Variants in ARL17A observed in about 807,000 individuals in gnomAD.
The protein encoded by ARL17A is ARF like GTPase 17A.
chr17:46,525,618 ATCATC>A (rs1567942048), downstream of ARL17A, among the ~76,000 whole-genome samples: 41 of 98,622 alleles, frequency 4.2e-4, 1 homozygote, highest in African/African-American at 6.8e-4. Flanking sequence ...AATAATAATC[ATCATC>A]ATCATCATCA....
chr17:46,535,095 T>A (rs1405274702), intron 4 of ARL17A, among the ~76,000 whole-genome samples: 1 of 148,320 alleles, frequency 6.7e-6, no homozygotes, highest in Non-Finnish European at 1.5e-5. Context: ...GGTTTTACTC[T>A]ATTGCCAGTG....
At chr17:46,503,206 C>G in the ARL17A span, among the ~76,000 whole-genome samples, 1 of 108,084 alleles carries the variant, frequency 9.3e-6, no homozygotes, top group African/African-American at 3.4e-5. Context: ...AGGGAGACTC[C>G]GTCTCAAAAA....
chr17:46,534,179 T>G (rs1319349107), intron 4 of ARL17A, among the ~76,000 whole-genome samples: 2 of 148,390 alleles, frequency 1.3e-5, no homozygotes, highest in Non-Finnish European at 3.0e-5. Context: ...ATGCCCAGTT[T>G]TTTTTGTTTT....
intron 3 of ARL17A, among the ~76,000 whole-genome samples, chr17:46,568,495 T>TAA (rs1160243125): frequency 1.9e-5 from 2 of 103,450 alleles, no homozygotes; most frequent in Admixed American, 9.8e-5. Context: ...AATAAGCAGT[T>TAA]AAAAAAAAAA....
At chr17:46,534,835 C>A (rs1330516480) in intron 4 of ARL17A, among the ~76,000 whole-genome samples, 3 of 149,076 alleles carry the variant, frequency 2.0e-5, no homozygotes, top group Non-Finnish European at 2.9e-5. Flanking sequence ...CTGGCCCCCA[C>A]CTCCCTCCCA....
downstream of ARL17A, chr17:46,548,706 G>C (rs746784908): frequency 6.2e-7 from 1 of 1,609,262 alleles, no homozygotes; most frequent in African/African-American, 1.4e-5. Flanking sequence ...GCATCAGGAG[G>C]GAACAGGGTG....
chr17:46,543,638 T>G (rs984323678), intron 3 of ARL17A, among the ~76,000 whole-genome samples: 8 of 150,846 alleles, frequency 5.3e-5, no homozygotes, highest in African/African-American at 2.0e-4. Context: ...CAACTGACTC[T>G]CAAATGGTTT....
chr17:46,552,818 G>A lies in ARL17A; in HGVS notation c.*4538C>T, dbSNP rs1171049870. The stretch of plus-strand genomic sequence containing the variant: ...CTTAAATTACATGGGGCCAGGCATG[G>A]TGGCTCACACTTGTAATCCCAACAC... On this transcript the variant is annotated 3_prime_UTR_variant, in exon 4 of 4. Transcript: ENST00000336125. 1.4e-5 allele frequency: 2 copies of A among 138,540 alleles called. No individual in the cohort carries two copies. The highest frequency in any genetic ancestry group is 2.2e-4 in the East Asian group (1 of 4,644). 8.6% of individuals were successfully genotyped at this position (138,540 alleles called of 1,614,324 possible).
chr17:46,503,234 C>T, the ARL17A span, among the ~76,000 whole-genome samples: 3 of 134,296 alleles, frequency 2.2e-5, no homozygotes, highest in African/African-American at 8.6e-5. Flanking sequence ...AAATAGTCTT[C>T]ATTTCTCCTT....
intron 3 of ARL17A, among the ~76,000 whole-genome samples, chr17:46,543,459 C>G (rs889049991): frequency 6.6e-6 from 1 of 150,894 alleles, no homozygotes; most frequent in Non-Finnish European, 1.5e-5. Context: ...ATTTTTTAAG[C>G]CATGTTATGA....
At chr17:46,558,121 A>G (rs1188946352) in intron 3 of ARL17A, among the ~76,000 whole-genome samples, 1 of 129,030 alleles carries the variant, frequency 7.8e-6, no homozygotes, top group Non-Finnish European at 1.6e-5. Context: ...ATGCAATGGC[A>G]CGATCTCAGC....
the ARL17A span, among the ~76,000 whole-genome samples, chr17:46,503,436 T>C: frequency 7.0e-6 from 1 of 143,842 alleles, no homozygotes; most frequent in Non-Finnish European, 1.5e-5. Flanking sequence ...TATAAACCAG[T>C]GACAGAGGAA....
chr17:46,532,838 C>T (rs1414038079), intron 4 of ARL17A, among the ~76,000 whole-genome samples: 3 of 149,702 alleles, frequency 2.0e-5, no homozygotes, highest in East Asian at 3.9e-4. Context: ...CAGTGGCTCA[C>T]ACCTGTCATC....
intron 4 of ARL17A, among the ~76,000 whole-genome samples, chr17:46,537,096 T>TGC (rs1381608217): frequency 3.4e-5 from 3 of 87,850 alleles, no homozygotes; most frequent in African/African-American, 1.8e-4. Flanking sequence ...TTTTTTTTTT[T>TGC]TTTTTTTTTT....
chr17:46,500,624 C>T, the ARL17A span, among the ~76,000 whole-genome samples: 1 of 150,792 alleles, frequency 6.6e-6, no homozygotes, highest in Non-Finnish European at 1.5e-5. Flanking sequence ...TGGGTTTAGG[C>T]CTGAGGTTCT....
At chr17:46,537,077 ATTTTTTTTTTTTTTTTTTTTT>A (rs766255014) in intron 4 of ARL17A, among the ~76,000 whole-genome samples, 1 of 34,830 alleles carries the variant, frequency 2.9e-5, no homozygotes, top group Non-Finnish European at 4.4e-5. Context: ...ATTGTGGTCA[ATTTTTTTTTTTTTTTTTTTTT>A]TTTTTTTTGC....
chr17:46,535,080 G>A (rs551985301), intron 4 of ARL17A, among the ~76,000 whole-genome samples: 1 of 148,264 alleles, frequency 6.7e-6, no homozygotes, highest in African/African-American at 2.6e-5. Flanking sequence ...TTTTTGTAGA[G>A]ACAGGGTTTT....
chr17:46,558,221 G>A (rs1479796168), intron 3 of ARL17A, among the ~76,000 whole-genome samples: 8 of 102,928 alleles, frequency 7.8e-5, no homozygotes, highest in Admixed American at 9.9e-5. Flanking sequence ...CACCATGCCC[G>A]GCTAATTTTT....
At chr17:46,569,492 CTGTCTT>C (rs1026141588) in intron 3 of ARL17A, among the ~76,000 whole-genome samples, 6 of 146,072 alleles carry the variant, frequency 4.1e-5, no homozygotes, top group African/African-American at 1.6e-4. Flanking sequence ...GTTATCCTCT[CTGTCTT>C]TGTATTTGTT....
Sources: allele counts gnomAD v4.1 joint callset (sites outside exome capture counted in the v4.1 genomes callset), GRCh38; gene constraint gnomAD v4.1.1; transcripts MANE v1.5; gene names NCBI Gene and HGNC (gene_info 2026-07-23, HGNC 2026-07-21).